The following KCND2 variants were observed in gnomAD, a reference collection of about 807,000 sequenced individuals.
KCND2 encodes the protein potassium voltage-gated channel subfamily D member 2, also known as A-type voltage-gated potassium channel KCND2.
A neutral mutation model predicts 54.4 loss-of-function variants in KCND2; 16 were observed. That is an observed-to-expected ratio of 0.29 (90% CI 0.20 to 0.45). The LOEUF is 0.45. Ranked by LOEUF, KCND2 falls within the 20% of genes least tolerant of loss-of-function variation. The pLI is 1.00. For missense variants in KCND2, 486 were observed against 824.2 expected (o/e 0.59, Z 5.02); for synonymous variants, 317 against 310.7 (o/e 1.02, Z -0.21).
chr7:120,564,895 C>A (rs549008505), intron 1 of KCND2, among the ~76,000 whole-genome samples: 1 of 152,136 alleles, frequency 6.6e-6, no homozygotes, highest in Non-Finnish European at 1.5e-5. Context: ...ACTTTAGTAT[C>A]CTCTCCATGA....
chr7:120,696,014 T>C (rs1406715978), intron 1 of KCND2, among the ~76,000 whole-genome samples: 1 of 152,190 alleles, frequency 6.6e-6, no homozygotes, highest in Non-Finnish European at 1.5e-5. Flanking sequence ...TCCTTTTATT[T>C]AATAGCTTCA....
chr7:120,742,164 C>T (rs1339075518), intron 3 of KCND2, among the ~76,000 whole-genome samples: 1 of 152,086 alleles, frequency 6.6e-6, no homozygotes. Context: ...CTTTTATTTA[C>T]GTGCACATGA....
At chr7:120,622,667 A>T (rs1163339644) in intron 1 of KCND2, among the ~76,000 whole-genome samples, 1 of 125,384 alleles carries the variant, frequency 8.0e-6, no homozygotes, top group Non-Finnish European at 1.5e-5. Flanking sequence ...TTTTCCTTAC[A>T]CACACACACA....
intron 1 of KCND2, among the ~76,000 whole-genome samples, chr7:120,679,377 A>C (rs1164104272): frequency 1.3e-5 from 2 of 151,952 alleles, no homozygotes; most frequent in Non-Finnish European, 2.9e-5. Flanking sequence ...TTTACCTCAG[A>C]GGCAGGCATT....
At chr7:120,453,876 C>T (rs1039609981) in intron 1 of KCND2, among the ~76,000 whole-genome samples, 6 of 152,220 alleles carry the variant, frequency 3.9e-5, no homozygotes, top group Non-Finnish European at 7.4e-5. Flanking sequence ...CATGAGGTCA[C>T]GAGATCGAGA....
chr7:120,628,617 C>G lies in KCND2; in HGVS notation c.1116-104286C>G, dbSNP rs568003462. On this transcript the variant is annotated intron_variant, in intron 1 of 5. Coordinates refer to ENST00000331113, the MANE Select transcript of KCND2 (RefSeq NM_012281.3). ...GAATGCTGTTTCTCTTGGCACATAT[C>G]TGTCATAAATAAGAATACACTAATG... is the stretch of plus-strand genomic sequence containing the variant. Among the ~76,000 whole-genome samples, 26 of 152,292 alleles carry G rather than the reference C, an allele frequency of 1.7e-4. No individual in the cohort carries two copies. In the Middle Eastern group the frequency reaches 0.01, roughly 60 times the overall value.
intron 1 of KCND2, among the ~76,000 whole-genome samples, chr7:120,335,385 G>A (rs1012213295): frequency 2.0e-5 from 3 of 148,398 alleles, no homozygotes; most frequent in Admixed American, 1.4e-4. Flanking sequence ...AAGAAGGATA[G>A]GAACCATATA....
intron 1 of KCND2, among the ~76,000 whole-genome samples, chr7:120,400,423 C>T (rs1267726151): frequency 2.0e-5 from 3 of 152,118 alleles, no homozygotes; most frequent in Admixed American, 1.3e-4. Flanking sequence ...TTCAGAATCA[C>T]CAGAACTGAA....
chr7:120,384,489 C>G (rs1023659272), intron 1 of KCND2, among the ~76,000 whole-genome samples: 1 of 152,140 alleles, frequency 6.6e-6, no homozygotes, highest in Non-Finnish European at 1.5e-5. Context: ...GCTCCTACCC[C>G]TGAATAATAT....
intron 1 of KCND2, among the ~76,000 whole-genome samples, chr7:120,573,097 G>A (rs1161498088): frequency 6.6e-6 from 1 of 152,022 alleles, no homozygotes; most frequent in Non-Finnish European, 1.5e-5. Flanking sequence ...GAATTTTATG[G>A]TATTTTCCCA....
At chr7:120,694,444 T>C (rs774516402) in intron 1 of KCND2, among the ~76,000 whole-genome samples, 36 of 152,182 alleles carry the variant, frequency 2.4e-4, no homozygotes, top group Non-Finnish European at 4.0e-4. Context: ...CTTTCTTCTA[T>C]TGAAAAGGGC....
chr7:120,717,446 A>C (rs1285848204), intron 1 of KCND2, among the ~76,000 whole-genome samples: 1 of 152,172 alleles, frequency 6.6e-6, no homozygotes, highest in Non-Finnish European at 1.5e-5. Context: ...GGAATTTTCC[A>C]TTCAATGTTT....
intron 1 of KCND2, among the ~76,000 whole-genome samples, chr7:120,473,130 A>C (rs1469484947): frequency 6.6e-6 from 1 of 152,154 alleles, no homozygotes; most frequent in Non-Finnish European, 1.5e-5. Context: ...GCTCAGCTGC[A>C]ACACCCACAG....
chr7:120,367,945 T>C (rs773097291), intron 1 of KCND2, among the ~76,000 whole-genome samples: 2 of 152,098 alleles, frequency 1.3e-5, no homozygotes, highest in Non-Finnish European at 2.9e-5. Context: ...TTGGGATCTT[T>C]GTTGCCAGAG....
At chr7:120,505,320 C>G (rs1802997397) in intron 1 of KCND2, among the ~76,000 whole-genome samples, 1 of 151,458 alleles carries the variant, frequency 6.6e-6, no homozygotes, top group South Asian at 2.1e-4. Flanking sequence ...AAGCAAATCT[C>G]AGGGCAGAGT....
At chr7:120,634,703 A>G (rs1228331993) in intron 1 of KCND2, among the ~76,000 whole-genome samples, 3 of 152,194 alleles carry the variant, frequency 2.0e-5, no homozygotes, top group African/African-American at 4.8e-5. Flanking sequence ...GCCAAAGTGA[A>G]ATTTTAAAAT....
chr7:120,387,388 A>G (rs958456627), intron 1 of KCND2, among the ~76,000 whole-genome samples: 12 of 152,070 alleles, frequency 7.9e-5, no homozygotes, highest in Admixed American at 7.9e-4. Context: ...TGAAGATTAA[A>G]ATTACTGTTT....
At chr7:120,742,030 C>T (rs542336154) in intron 3 of KCND2, among the ~76,000 whole-genome samples, 9 of 152,072 alleles carry the variant, frequency 5.9e-5, no homozygotes, top group Middle Eastern at 3.4e-3. Context: ...TACTTCATAA[C>T]GAAGAGGGAA....
intron 1 of KCND2, among the ~76,000 whole-genome samples, chr7:120,423,357 T>C (rs2116140344): frequency 6.6e-6 from 1 of 152,342 alleles, no homozygotes; most frequent in Non-Finnish European, 1.5e-5. Context: ...AATTTATTCA[T>C]CAGTTCAAAG....
Sources: allele counts gnomAD v4.1 joint callset (sites outside exome capture counted in the v4.1 genomes callset), GRCh38; gene constraint gnomAD v4.1.1; transcripts MANE v1.5; gene names NCBI Gene and HGNC (gene_info 2026-07-23, HGNC 2026-07-21).